CIITA: variants seen among roughly 807,000 people sequenced by gnomAD.
CIITA encodes the protein MHC class II transactivator.
A neutral mutation model predicts 115.1 loss-of-function variants in CIITA; 72 were observed. The observed-to-expected ratio is 0.63, with a 90% CI of 0.52 to 0.76. The LOEUF is 0.76. Among genes scored for constraint, CIITA ranks in the 30% least tolerant of loss-of-function variants. The pLI, the probability that CIITA is intolerant of heterozygous loss-of-function variation, is 0.00. For synonymous variants in CIITA, 763 were observed against 635.6 expected, an observed-to-expected ratio of 1.20 and a Z score of -3.02; for missense variants, 1,617 against 1,463.8, an observed-to-expected ratio of 1.10 and a Z score of -1.71.
intron 10 of CIITA, among the ~76,000 whole-genome samples, chr16:10,905,571 G>A (rs2039082038): frequency 6.6e-6 from 1 of 152,070 alleles, no homozygotes; most frequent in Non-Finnish European, 1.5e-5. Flanking sequence ...GACCAGCCTG[G>A]CCAACATAGT....
intron 1 of CIITA, among the ~76,000 whole-genome samples, chr16:10,883,094 C>T (rs1479010702): frequency 6.6e-6 from 1 of 152,112 alleles, no homozygotes; most frequent in Non-Finnish European, 1.5e-5. Context: ...ATCTTGGGGT[C>T]TCCAGCACCC....
rs763945523 is a variant in CIITA, at chr16:10,906,640, C to A, written c.1148C>A (p.Ala383Asp). The A allele has an allele frequency of 1.9e-4, 300 of 1,613,804 alleles. No homozygotes were observed. Among genetic ancestry groups the A allele is most frequent in the Non-Finnish European group, 2.4e-4 (288 of 1,179,964 alleles). The change falls in exon 11 of 20, where the codon GCC (alanine) becomes GAC (aspartate). Residue 383 changes from alanine to aspartate, a missense_variant. By Grantham distance (126) the Ala-to-Asp change is moderately radical (BLOSUM62 -2). Transcript: ENST00000324288. ...SSSKSLEREL[A>D]TPDWAERQLA... is the part of the protein sequence containing the mutation. ...AGCAAGAGCCTGGAGCGGGAACTGGCCACCCCGGACTGGGCAGAACGGCAG... is the reference window on the plus strand; with the variant it reads ...AGCAAGAGCCTGGAGCGGGAACTGGACACCCCGGACTGGGCAGAACGGCAG...
At chr16:10,903,271 A>G (rs1373377593) in intron 8 of CIITA, among the ~76,000 whole-genome samples, 1 of 152,146 alleles carries the variant, frequency 6.6e-6, no homozygotes, top group Non-Finnish European at 1.5e-5. Context: ...CTGACCCACC[A>G]CACTGAGGGG....
rs1007429981 is a variant in CIITA at position 10,908,043 on chromosome 16, G to A, written c.2551G>A (p.Ala851Thr). The A allele has an allele frequency of 1.2e-6, 2 of 1,613,542 alleles. No individual in the cohort carries two copies. The highest frequency in any genetic ancestry group is 1.7e-6 in the Non-Finnish European group (2 of 1,179,760). Reference sequence around the variant, plus strand: ...TCCTGATGCACATGTACTGGGCAAGGCCTTGGAGGCGGCGGGCCAAGACTT... The same window carrying A: ...TCCTGATGCACATGTACTGGGCAAGACCTTGGAGGCGGCGGGCCAAGACTT... ...TPPDAHVLGK[A>T]LEAAGQDFSL... is the part of the protein sequence containing the mutation. Residue 851 changes from alanine (A) to threonine (T), a missense_variant, in exon 11 of 20, where the codon GCC (alanine) becomes ACC (threonine). Ala to Thr is a moderately conservative substitution (Grantham distance 58, BLOSUM62 0). Coordinates refer to ENST00000324288, the MANE Select transcript of CIITA (RefSeq NM_000246.4).
In CIITA at chr16:10,906,921, C is replaced by G; in HGVS notation, c.1429C>G (p.Leu477Val). 6.2e-7 allele frequency: 1 copy of G among 1,613,454 alleles called. No homozygotes were observed. Among genetic ancestry groups the G allele is most frequent in the South Asian group, 1.1e-5 (1 of 91,090 alleles). ...DLLFSLGPQP[L>V]VAADEVFSHI... Reference sequence around the variant, plus strand: ...GCTCTTCTCCCTGGGCCCACAGCCACTCGTGGCGGCCGATGAGGTTTTCAG... The same window carrying G: ...GCTCTTCTCCCTGGGCCCACAGCCAGTCGTGGCGGCCGATGAGGTTTTCAG... The change falls in exon 11 of 20, where the codon CTC becomes GTC. Residue 477 changes from leucine (L) to valine (V), a missense_variant. Physicochemically the swap from Leu to Val is conservative, Grantham distance 32. Transcript: ENST00000324288.
intron 1 of CIITA, among the ~76,000 whole-genome samples, chr16:10,881,186 C>T (rs1037611194): frequency 2.6e-5 from 4 of 151,512 alleles, no homozygotes; most frequent in South Asian, 2.1e-4. Flanking sequence ...GGCTGAGGCA[C>T]GAGAATCACT....
intron 13 of CIITA, among the ~76,000 whole-genome samples, chr16:10,913,003 G>T (rs565919602): frequency 6.6e-6 from 1 of 152,364 alleles, no homozygotes; most frequent in African/African-American, 2.4e-5. Context: ...TGTACACAGA[G>T]TCCTTCCCCA....
At chr16:10,906,158 A>T (rs780452612) in intron 10 of CIITA, among the ~76,000 whole-genome samples, 3 of 152,186 alleles carry the variant, frequency 2.0e-5, no homozygotes, top group Non-Finnish European at 4.4e-5. Flanking sequence ...GTGCCATTGC[A>T]CGCCAGCCTG....
rs117252271 is a variant in CIITA, at chr16:10,869,315, C to T, written c.-21+2996C>T. ...TGGCACCCTCGCTGTTCCTTAGACA[C>T]GCTCAGCACACTGTCTGCCTCAGAA... On this transcript the variant is annotated intron_variant, in intron 1 of 5. Transcript: ENST00000636238. Among the ~76,000 whole-genome samples the T allele has an allele frequency of 9.8e-4, 150 of 152,334 alleles. No homozygotes were observed. The East Asian group carries it at 0.024, about 24-fold the overall frequency.
chr16:10,898,268 C>A (rs943156862), intron 3 of CIITA, among the ~76,000 whole-genome samples: 5 of 152,016 alleles, frequency 3.3e-5, no homozygotes, highest in African/African-American at 7.3e-5. Context: ...TTATCACCAT[C>A]GATTCCTGGG....
At chr16:10,866,862 G>A (rs1189835215) in intron 1 of CIITA, among the ~76,000 whole-genome samples, 4 of 152,204 alleles carry the variant, frequency 2.6e-5, no homozygotes, top group Non-Finnish European at 5.9e-5. Context: ...ACATTAACGG[G>A]GCATGGATGG....
Position 10,923,469 on chromosome 16 carries a change from T to C in CIITA, c.*22+144T>C, listed in dbSNP as rs975225555. On this transcript the variant is annotated intron_variant, in intron 19 of 19. Coordinates refer to ENST00000324288, the MANE Select transcript of CIITA (RefSeq NM_000246.4). This position sits in a 1 kb window ranked among gnomAD's most constrained non-coding sequence, Gnocchi z 5.2. ...CGCATGCGTCATCAGAGACATCCCC[T>C]CATCTCCACCCTGGGCTCGGTGGAG... 1.5e-6 allele frequency: 1 copy of C among 675,264 alleles called. No homozygotes were observed. Among genetic ancestry groups the C allele is most frequent in the African/African-American group, 1.8e-5 (1 of 56,644 alleles). 41.8% of individuals were successfully genotyped at this position (675,264 alleles called of 1,614,324 possible).
intron 1 of CIITA, among the ~76,000 whole-genome samples, chr16:10,891,282 G>C (rs907617056): frequency 6.6e-6 from 1 of 151,780 alleles, no homozygotes; most frequent in Admixed American, 6.6e-5. Context: ...CAGGGGGAGT[G>C]GGGGAGAAGG....
Position 10,930,564 on chromosome 16 carries a change from G to T in CIITA, c.*6709G>T, listed in dbSNP as rs2040742074. ...TCATTTAATAGGATAAGAAATTGAG[G>T]TTCAGAGAAGCCAAGTAACCTGCCT... On this transcript the variant is annotated 3_prime_UTR_variant, in exon 20 of 20. Coordinates refer to ENST00000324288, the MANE Select transcript of CIITA (RefSeq NM_000246.4). 1 of 152,192 alleles carries T rather than the reference G, an allele frequency of 6.6e-6. No homozygotes were observed. Among genetic ancestry groups the T allele is most frequent in the Admixed American group, 6.5e-5 (1 of 15,284 alleles). The allele number at this position is 152,192 out of a possible 1,614,324, so 9.4% of individuals were successfully genotyped here.
intron 15 of CIITA, chr16:10,916,799 A>C: frequency 4.8e-6 from 2 of 420,258 alleles, no homozygotes; most frequent in South Asian, 2.5e-5. Flanking sequence ...CCCTCATCCA[A>C]CCGCTCACTC....
At chr16:10,912,815 G>A (rs1030064971) in intron 13 of CIITA, among the ~76,000 whole-genome samples, 1 of 152,244 alleles carries the variant, frequency 6.6e-6, no homozygotes, top group Non-Finnish European at 1.5e-5. Context: ...CCTAGAGCCG[G>A]GTGATCAGCC....
At chr16:10,878,133 C>T (rs1040492913) in intron 1 of CIITA, among the ~76,000 whole-genome samples, 2 of 152,114 alleles carry the variant, frequency 1.3e-5, no homozygotes, top group African/African-American at 4.8e-5. Flanking sequence ...TGGAATTGAG[C>T]TCATAGGAGC....
Position 10,898,660 on chromosome 16 carries a change from G to T in CIITA, c.296-10G>T. The stretch of plus-strand genomic sequence containing the variant: ...TTGTTGATTGACTGCGCTTTTCCTT[G>T]TCTGGGCAGCGGAACTGGACCAGTA... On this transcript the variant is annotated splice_polypyrimidine_tract_variant and intron_variant, in intron 3 of 19. Coordinates refer to ENST00000324288, the MANE Select transcript of CIITA (RefSeq NM_000246.4). 1 of 1,606,648 alleles carries T rather than the reference G, an allele frequency of 6.2e-7. No homozygotes were observed. The highest frequency in any genetic ancestry group is 8.5e-7 in the Non-Finnish European group (1 of 1,176,770).
rs541681136 is a variant in CIITA, at chr16:10,881,305, A to G, written c.52+3923A>G. Among the ~76,000 whole-genome samples, 13 of 152,322 alleles carry G rather than the reference A, an allele frequency of 8.5e-5. No individual in the cohort carries two copies. In the South Asian group the frequency reaches 1.2e-3, roughly 15 times the overall value. On this transcript the variant is annotated intron_variant, in intron 1 of 19. Coordinates refer to ENST00000324288, the MANE Select transcript of CIITA (RefSeq NM_000246.4). ...AGAGCAAGACTGTCTCAGGAAAAAAAAAAGAGAGAGAAAAAAGTCAGAGAG... is the reference window on the plus strand; with the variant it reads ...AGAGCAAGACTGTCTCAGGAAAAAAGAAAGAGAGAGAAAAAAGTCAGAGAG...
Sources: gnomAD v4.1 joint callset for allele counts (sites outside exome capture counted in the v4.1 genomes callset) on GRCh38, gnomAD v4.1.1 for gene constraint, Gnocchi (gnomAD v3.1) non-coding constraint, MANE v1.5 for transcripts, NCBI Gene and HGNC (gene_info 2026-07-23, HGNC 2026-07-21) for gene names.